Variants in GSE1 observed in about 807,000 individuals in gnomAD.
GSE1 encodes the protein Gse1 coiled-coil protein, also known as genetic suppressor element 1.
In GSE1, 32 loss-of-function variants were observed where a neutral mutation model predicts 112.6. The observed-to-expected ratio is 0.28, with a 90% confidence interval of 0.21 to 0.38. The LOEUF is 0.38. Among genes scored for constraint, GSE1 ranks in the 10% least tolerant of loss-of-function variants. The probability of loss-of-function intolerance (pLI) is 1.00; values close to 1 mark genes in which losing one functional copy is unlikely to be tolerated. For synonymous variants in GSE1, 1,115 were observed against 735.6 expected, an observed-to-expected ratio of 1.52 and a Z score of -8.35; for missense variants, 2,348 against 1,699.2, an observed-to-expected ratio of 1.38 and a Z score of -6.71.
chr16:85,531,049 C>A (rs1174995510), intron 2 of GSE1, among the ~76,000 whole-genome samples: 2 of 152,264 alleles, frequency 1.3e-5, no homozygotes, highest in African/African-American at 4.8e-5. Flanking sequence ...GAGTTGCCAA[C>A]TGATGCCATG....
chr16:85,270,513 C>T (rs1908724688), intron 1 of GSE1, among the ~76,000 whole-genome samples: 1 of 148,868 alleles, frequency 6.7e-6, no homozygotes, highest in South Asian at 2.1e-4. Flanking sequence ...CATTTGCATC[C>T]TCTTTTCCAG....
At chr16:85,587,020 C>T (rs1369774023) in intron 1 of GSE1, among the ~76,000 whole-genome samples, 2 of 152,208 alleles carry the variant, frequency 1.3e-5, no homozygotes, top group Non-Finnish European at 2.9e-5. Context: ...AGGCTCGCAT[C>T]ACCCCTCTAA....
At chr16:85,431,823 C>T (rs2049129885) in intron 2 of GSE1, among the ~76,000 whole-genome samples, 1 of 152,254 alleles carries the variant, frequency 6.6e-6, no homozygotes, top group African/African-American at 2.4e-5. Flanking sequence ...AAGCCTCCAG[C>T]CTTCCCAATC....
chr16:85,300,914 G>T, intron 1 of GSE1, among the ~76,000 whole-genome samples: 1 of 152,206 alleles, frequency 6.6e-6, no homozygotes, highest in East Asian at 1.9e-4. Context: ...CCAGAATTTG[G>T]GGGGAGTGGG....
chr16:85,347,061 C>T (rs182289821), intron 1 of GSE1, among the ~76,000 whole-genome samples: 2 of 151,996 alleles, frequency 1.3e-5, no homozygotes, highest in East Asian at 1.9e-4. Flanking sequence ...AAGGGGTTGG[C>T]GGGATAAGTG....
chr16:85,250,405 C>T (rs540597340), intron 1 of GSE1, among the ~76,000 whole-genome samples: 4 of 152,260 alleles, frequency 2.6e-5, no homozygotes, highest in South Asian at 2.1e-4. Context: ...TGGCTGGCCC[C>T]GCCCCAGCTG....
intron 1 of GSE1, among the ~76,000 whole-genome samples, chr16:85,334,371 A>G (rs533586377): frequency 2.2e-4 from 34 of 152,296 alleles, no homozygotes; most frequent in African/African-American, 7.5e-4. Flanking sequence ...CAGGGCCTGC[A>G]TGGGGGAGCT....
At chr16:85,299,563 A>C (rs930592311) in intron 1 of GSE1, among the ~76,000 whole-genome samples, 2 of 152,220 alleles carry the variant, frequency 1.3e-5, no homozygotes, top group African/African-American at 4.8e-5. Flanking sequence ...CAAGCCCAGC[A>C]TGTCACACCT....
At chr16:85,377,151 C>T (rs1046921081) in intron 2 of GSE1, among the ~76,000 whole-genome samples, 2 of 152,178 alleles carry the variant, frequency 1.3e-5, no homozygotes, top group African/African-American at 2.4e-5. Context: ...CCTGGTAGGC[C>T]GCACGTGGTC....
chr16:85,533,633 G>A (rs969822109), intron 2 of GSE1, among the ~76,000 whole-genome samples: 11 of 152,174 alleles, frequency 7.2e-5, no homozygotes, highest in East Asian at 3.8e-4. Context: ...GGAGGCCAAA[G>A]CAGGAGGATC....
At chr16:85,270,129 G>A (rs1908685199) in intron 1 of GSE1, among the ~76,000 whole-genome samples, 1 of 149,030 alleles carries the variant, frequency 6.7e-6, no homozygotes, top group African/African-American at 2.4e-5. Flanking sequence ...CTCCTCTGGG[G>A]TCACACTGGC....
chr16:85,623,993 CCT>C (rs1360751426), intron 1 of GSE1, among the ~76,000 whole-genome samples: 1 of 152,182 alleles, frequency 6.6e-6, no homozygotes, highest in African/African-American at 2.4e-5. Flanking sequence ...GTCCTTGGAT[CCT>C]CTCTCCCTCC....
chr16:85,201,534 C>T (rs942247193), intron 1 of GSE1, among the ~76,000 whole-genome samples: 5 of 151,888 alleles, frequency 3.3e-5, no homozygotes, highest in African/African-American at 1.2e-4. Flanking sequence ...TGCCTGTAGT[C>T]CCAGCTACTC....
intron 2 of GSE1, among the ~76,000 whole-genome samples, chr16:85,426,282 G>A (rs922352228): frequency 6.8e-6 from 1 of 146,700 alleles, no homozygotes. Flanking sequence ...TGGATGGATA[G>A]ATGGGTGGGT....
intron 1 of GSE1, among the ~76,000 whole-genome samples, chr16:85,627,054 T>TTTTTTTTTTTTTTTTTTTTTTTC (rs2049138846): frequency 1.0e-5 from 1 of 96,344 alleles, no homozygotes; most frequent in Non-Finnish European, 2.0e-5. Context: ...CTTTTTTTTT[T>TTTTTTTTTTTTTTTTTTTTTTTC]TTTTTTTTTT....
intron 1 of GSE1, chr16:85,595,619 A>G (rs1172147666): frequency 6.6e-6 from 1 of 152,052 alleles, no homozygotes; most frequent in Non-Finnish European, 1.5e-5. Context: ...CTGTGTTTTA[A>G]CATTCCTCCA....
chr16:85,281,875 C>G (rs982926052), intron 1 of GSE1, among the ~76,000 whole-genome samples: 15 of 152,192 alleles, frequency 9.9e-5, no homozygotes, highest in Non-Finnish European at 5.9e-5. Context: ...CTGAGCAGGA[C>G]ACGCCCACCA....
At chr16:85,510,965 G>A (rs937088897) in intron 2 of GSE1, among the ~76,000 whole-genome samples, 6 of 152,166 alleles carry the variant, frequency 3.9e-5, no homozygotes, top group African/African-American at 7.2e-5. Context: ...AAAGCACCCC[G>A]TTCCTCTCTG....
At chr16:85,529,779 T>C (rs927351955) in intron 2 of GSE1, among the ~76,000 whole-genome samples, 2 of 152,178 alleles carry the variant, frequency 1.3e-5, no homozygotes, top group Non-Finnish European at 2.9e-5. Context: ...ACTGTCTAGC[T>C]AGAGGAGGTT....
Sources: allele counts gnomAD v4.1 joint callset (sites outside exome capture counted in the v4.1 genomes callset), GRCh38; gene constraint gnomAD v4.1.1; transcripts MANE v1.5; gene names NCBI Gene and HGNC (gene_info 2026-07-23, HGNC 2026-07-21).